Variants in RASA2 observed in about 807,000 individuals in gnomAD.
RASA2 encodes the protein ras GTPase-activating protein 2.
Under a neutral mutation model 118.2 loss-of-function variants are expected in RASA2, and 155 were observed. The ratio of observed to expected loss-of-function variants is 1.31; its 90% CI spans 1.15 to 1.50. The LOEUF (loss-of-function observed/expected upper bound fraction) is 1.50. Ranked by LOEUF, RASA2 falls within the 40% of genes most tolerant of loss-of-function variation. The pLI is 0.00. For synonymous variants in RASA2, 353 were observed against 349.1 expected (o/e 1.01, Z -0.12); for missense variants, 1,016 against 1,009.6 (o/e 1.01, Z -0.09).
intron 1 of RASA2, among the ~76,000 whole-genome samples, chr3:141,501,337 A>G (rs2081776127): frequency 6.6e-6 from 1 of 152,210 alleles, no homozygotes; most frequent in African/African-American, 2.4e-5. Flanking sequence ...ATTTTTGGTC[A>G]GGAGCTAATG....
chr3:141,600,227 A>G, intron 19 of RASA2: 1 of 484,262 alleles, frequency 2.1e-6, no homozygotes, highest in Non-Finnish European at 4.2e-6. Flanking sequence ...ATGTGTAAAA[A>G]GGTTTCTTGA....
chr3:141,611,673 G>T (rs2083653645), intron 23 of RASA2, among the ~76,000 whole-genome samples: 1 of 152,038 alleles, frequency 6.6e-6, no homozygotes, highest in Non-Finnish European at 1.5e-5. Flanking sequence ...CACTTTAAAT[G>T]TTCTTTGAAA....
At chr3:141,595,907 C>G (rs2083358571) in intron 19 of RASA2, among the ~76,000 whole-genome samples, 1 of 152,218 alleles carries the variant, frequency 6.6e-6, no homozygotes, top group African/African-American at 2.4e-5. Context: ...GTATGAGCCA[C>G]TGCACCTGGC....
At chr3:141,594,506 A>C (rs1420337286) in intron 19 of RASA2, among the ~76,000 whole-genome samples, 1 of 152,132 alleles carries the variant, frequency 6.6e-6, no homozygotes, top group African/African-American at 2.4e-5. Flanking sequence ...AACCAGAGAT[A>C]AAGAGAAAAT....
intron 13 of RASA2, 114 bp from the exon 14 acceptor site, chr3:141,573,830 A>G: frequency 1.1e-6 from 1 of 871,110 alleles, no homozygotes. Flanking sequence ...ACTTTAAAAA[A>G]TGTTAGATAG....
chr3:141,517,021 C>T (rs1454698300), intron 3 of RASA2, among the ~76,000 whole-genome samples: 3 of 151,840 alleles, frequency 2.0e-5, no homozygotes, highest in Non-Finnish European at 2.9e-5. Context: ...CCACCTGCCT[C>T]GGCCTCCCAG....
At chr3:141,575,828 C>T (rs569790544) in intron 14 of RASA2, among the ~76,000 whole-genome samples, 16 of 152,226 alleles carry the variant, frequency 1.1e-4, no homozygotes, top group Middle Eastern at 3.4e-3. Flanking sequence ...GAGTTTCACT[C>T]TTGTTGCCCA....
intron 19 of RASA2, among the ~76,000 whole-genome samples, chr3:141,589,308 T>C (rs2083252817): frequency 6.6e-6 from 1 of 152,232 alleles, no homozygotes; most frequent in Non-Finnish European, 1.5e-5. Context: ...TGTGAATAAA[T>C]GAGTTCTTTT....
chr3:141,504,947 C>A (rs763510029), intron 1 of RASA2, among the ~76,000 whole-genome samples: 2 of 152,014 alleles, frequency 1.3e-5, no homozygotes, highest in Non-Finnish European at 2.9e-5. Flanking sequence ...TCTGCCTGTC[C>A]GTCTCCTTCC....
At chr3:141,598,675 T>C (rs1002130222) in intron 19 of RASA2, among the ~76,000 whole-genome samples, 2 of 152,172 alleles carry the variant, frequency 1.3e-5, no homozygotes, top group African/African-American at 2.4e-5. Context: ...AGGATAAATA[T>C]GTACAAATCA....
intron 3 of RASA2, among the ~76,000 whole-genome samples, chr3:141,518,876 T>C (rs985515072): frequency 6.6e-6 from 1 of 152,220 alleles, no homozygotes; most frequent in Non-Finnish European, 1.5e-5. Context: ...CCTTTTCAAT[T>C]AATACCATAG....
At chr3:141,506,326 T>C (rs887743181) in intron 1 of RASA2, among the ~76,000 whole-genome samples, 2 of 152,246 alleles carry the variant, frequency 1.3e-5, no homozygotes, top group Admixed American at 1.3e-4. Context: ...GTGGGAACAA[T>C]GTATCTGCCT....
At chr3:141,603,610 T>G (rs968827081) in intron 19 of RASA2, among the ~76,000 whole-genome samples, 1 of 152,158 alleles carries the variant, frequency 6.6e-6, no homozygotes, top group Non-Finnish European at 1.5e-5. Flanking sequence ...ATAATTCACA[T>G]ACCATAAAAT....
intron 15 of RASA2, among the ~76,000 whole-genome samples, chr3:141,580,069 GAAAA>G (rs1165547118): frequency 2.8e-4 from 19 of 67,934 alleles, no homozygotes; most frequent in Non-Finnish European, 3.6e-4. Context: ...AAAAAAAAAA[GAAAA>G]AAAAAAAAAA....
At chr3:141,522,014 G>C (rs547332811) in intron 3 of RASA2, among the ~76,000 whole-genome samples, 11 of 151,860 alleles carry the variant, frequency 7.2e-5, no homozygotes, top group Non-Finnish European at 1.5e-4. Flanking sequence ...ATTTGAGCTA[G>C]AATTTAGAGA....
At chr3:141,534,163 C>G (rs1276168743) in intron 4 of RASA2, among the ~76,000 whole-genome samples, 1 of 152,094 alleles carries the variant, frequency 6.6e-6, no homozygotes, top group Admixed American at 6.6e-5. Context: ...GTTATTAGGT[C>G]CTGTAACTCA....
At chr3:141,498,746 C>A (rs2081738017) in intron 1 of RASA2, among the ~76,000 whole-genome samples, 1 of 152,154 alleles carries the variant, frequency 6.6e-6, no homozygotes, top group Admixed American at 6.5e-5. Context: ...ATAGCCTGTC[C>A]ATGTAGCCCT....
intron 3 of RASA2, among the ~76,000 whole-genome samples, chr3:141,521,111 AG>A (rs531750723): frequency 5.2e-4 from 79 of 152,334 alleles, no homozygotes; most frequent in Middle Eastern, 3.4e-3. Flanking sequence ...GGTACATCTT[AG>A]TGGACATGTT....
At chr3:141,551,501 G>A (rs1031522316) in intron 5 of RASA2, among the ~76,000 whole-genome samples, 1 of 152,146 alleles carries the variant, frequency 6.6e-6, no homozygotes, top group Non-Finnish European at 1.5e-5. Context: ...TAGCTCCCTG[G>A]AGGTTTTTCT....
Sources: gnomAD v4.1 joint callset for allele counts (sites outside exome capture counted in the v4.1 genomes callset) on GRCh38, gnomAD v4.1.1 for gene constraint, MANE v1.5 for transcripts, NCBI Gene and HGNC (gene_info 2026-07-23, HGNC 2026-07-21) for gene names.